PJVK: variants seen among roughly 807,000 people sequenced by gnomAD.
PJVK encodes pejvakin.
Under a neutral mutation model 37.6 loss-of-function variants are expected in PJVK, and 33 were observed. The ratio of observed to expected loss-of-function variants is 0.88; its 90% confidence interval spans 0.67 to 1.17. The LOEUF is 1.17. PJVK is among the 50% of genes most tolerant of loss of function. PJVK has a pLI of 0.00. For synonymous variants in PJVK, 141 were observed against 143.5 expected (o/e 0.98, Z 0.13); for missense variants, 410 against 413.8 (o/e 0.99, Z 0.08).
chr2:178,459,502 G>T (rs1323872655), intron 5 of PJVK, among the ~76,000 whole-genome samples: 1 of 151,910 alleles, frequency 6.6e-6, no homozygotes. Context: ...TGGAAAATGG[G>T]GTATCCATCC....
At chr2:178,454,194 C>T in intron 2 of PJVK, 138 bp from the exon 3 acceptor site, 1 of 670,142 alleles carries the variant, frequency 1.5e-6, no homozygotes, top group Non-Finnish European at 2.5e-6. Context: ...TGAATTACTA[C>T]TTTAAGTCTT....
chr2:178,452,479 A>G, intron 1 of PJVK: 1 of 985,208 alleles, frequency 1.0e-6, no homozygotes, highest in Non-Finnish European at 1.2e-6. Context: ...TCACTGTTTT[A>G]ATGGATATCT....
At position 178,458,622 on chromosome 2, in the gene PJVK, C is replaced by T. The variant is rs372265307; in HGVS notation, c.662C>T (p.Ala221Val). 1.9e-6 allele frequency: 3 copies of T among 1,610,164 alleles called. No individual in the cohort carries two copies. The highest frequency in any genetic ancestry group is 2.7e-5 in the African/African-American group (2 of 74,802). Residue 221 changes from alanine (A) to valine (V), a missense_variant, in exon 5 of 7, where the codon GCC (alanine) becomes GTC (valine). Transcript: ENST00000644580. The stretch of plus-strand genomic sequence containing the variant: ...GAACTCTTCATATACCTGGATGGTG[C>T]CTTTGGTGAGTTAAGGGTCTGCATG... ...VFELFIYLDG[A>V]FDLCVTSVSK...
intron 6 of PJVK, 23 bp downstream of exon 6, chr2:178,460,469 T>C (rs1684416565): frequency 6.3e-7 from 1 of 1,590,822 alleles, no homozygotes; most frequent in Non-Finnish European, 8.6e-7. Flanking sequence ...AAGAGTACTG[T>C]GAATGTCTTT....
intron 4 of PJVK, 81 bp downstream of exon 4, chr2:178,456,232 C>G: frequency 6.5e-7 from 1 of 1,535,134 alleles, no homozygotes. Context: ...TCTAGTCAGG[C>G]TTGTGTATTT....
At chr2:178,459,162 G>A (rs768793153) in intron 5 of PJVK, 2 of 471,942 alleles carry the variant, frequency 4.2e-6, no homozygotes, top group African/African-American at 2.0e-5. Context: ...ATACCTAAGT[G>A]CAGCTCACTT....
At chr2:178,454,629 C>G (rs1335655223) in intron 3 of PJVK, 102 bp downstream of exon 3, 53 of 1,444,458 alleles carry the variant, frequency 3.7e-5, no homozygotes, top group Non-Finnish European at 4.9e-5. Flanking sequence ...TTGTATTTTA[C>G]TAGTGTAATT....
rs909423972 is a variant in PJVK at position 178,456,324 on chromosome 2, C to A, written c.549+173C>A. The A allele has an allele frequency of 5.5e-5, 42 of 757,122 alleles. No individual in the cohort carries two copies. The African/African-American group carries it at 7.2e-4, about 13-fold the overall frequency. The allele number at this position is 757,122 out of a possible 1,614,324, so 46.9% of individuals were successfully genotyped here. A position where few individuals can be genotyped will look rare whatever the true frequency, so the allele number is the denominator to read the frequency against. On this transcript the variant is annotated intron_variant, in intron 4 of 6. Coordinates refer to ENST00000644580, the MANE Select transcript of PJVK (RefSeq NM_001042702.5). ...TGTTCTAGAATATGAAAAAAAAAAA[C>A]AAATCTTGGGATTCTAAACATGTGT...
At chr2:178,453,013 G>A (rs1697800900) in intron 1 of PJVK, 1 of 250,416 alleles carries the variant, frequency 4.0e-6, no homozygotes, top group South Asian at 4.4e-5. Context: ...TATCGTTAGT[G>A]CCTAAATTGC....
intron 1 of PJVK, chr2:178,452,344 C>A: frequency 1.0e-6 from 1 of 983,968 alleles, no homozygotes. Flanking sequence ...GCATGTAAGC[C>A]CTGGATGCTT....
intron 3 of PJVK, chr2:178,454,834 GC>G: frequency 8.1e-7 from 1 of 1,241,124 alleles, no homozygotes; most frequent in African/African-American, 1.5e-5. Flanking sequence ...ATCAAGAATG[GC>G]AGCCTTGACT....
chr2:178,455,182 GATGGAGTGGTGGA>G, intron 3 of PJVK: 1 of 1,594,506 alleles, frequency 6.3e-7, no homozygotes, highest in Non-Finnish European at 8.6e-7. Context: ...AGATCAAGAA[GATGGAGTGGTGGA>G]GCCGCTTGGT....
At chr2:178,459,087 G>T (rs1684319873) in intron 5 of PJVK, 1 of 464,458 alleles carries the variant, frequency 2.2e-6, no homozygotes, top group Non-Finnish European at 4.5e-6. Flanking sequence ...GCTTCCCCTT[G>T]CACTCTTCCT....
At chr2:178,452,291 TC>T (rs1444076362) in intron 1 of PJVK, 1 of 427,246 alleles carries the variant, frequency 2.3e-6, no homozygotes, top group African/African-American at 4.4e-5. Context: ...AGACTCCCTC[TC>T]AAAAAAAAAA....
chr2:178,461,844 A>G lies in PJVK; in HGVS notation c.*570A>G, dbSNP rs1356079304. 1.3e-5 allele frequency among the ~76,000 whole-genome samples: 2 copies of G among 152,074 alleles called. No homozygotes were observed. Among genetic ancestry groups the G allele is most frequent in the Non-Finnish European group, 2.9e-5 (2 of 67,984 alleles). On this transcript the variant is annotated 3_prime_UTR_variant, in exon 7 of 7. Transcript: ENST00000644580. ...GTGATCCACTTTCCTCGGCCTCCCA[A>G]AGTGCTGGGATTACAGGCATGGGCC...
chr2:178,461,032 CT>C lies in PJVK; in HGVS notation c.823del (p.Ser275LeufsTer10), dbSNP rs757539839. ...ISRSQLYLDD[L>X]FSDYYDKPLS... ...TCGTTCACAGCTTTACTTGGATGAT[CT>C]TTTTTCTGACTACTATGACAAACCT... On this transcript the variant is annotated frameshift_variant, in exon 7 of 7. Coordinates refer to ENST00000644580, the MANE Select transcript of PJVK (RefSeq NM_001042702.5). LOFTEE classifies it high-confidence loss of function. 2 of 1,613,912 alleles carry C rather than the reference CT, an allele frequency of 1.2e-6. No homozygotes were observed. Among genetic ancestry groups the C allele is most frequent in the Non-Finnish European group, 8.5e-7 (1 of 1,179,972 alleles).
At chr2:178,452,347 G>A in intron 1 of PJVK, 2 of 983,752 alleles carry the variant, frequency 2.0e-6, no homozygotes, top group South Asian at 4.7e-5. Context: ...TGTAAGCCCT[G>A]GATGCTTGAA....
At chr2:178,460,918 G>C in intron 6 of PJVK, 64 bp from the exon 7 acceptor site, 1 of 1,325,426 alleles carries the variant, frequency 7.5e-7, no homozygotes, top group Admixed American at 1.7e-5. Flanking sequence ...TATTAATGCT[G>C]TTTGCATTAT....
Position 178,458,534 on chromosome 2 carries a change from C to T in PJVK, c.574C>T (p.Pro192Ser), listed in dbSNP as rs757547201. 1 of 1,613,564 alleles carries T rather than the reference C, an allele frequency of 6.2e-7. No homozygotes were observed. Among genetic ancestry groups the T allele is most frequent in the Non-Finnish European group, 8.5e-7 (1 of 1,179,592 alleles). ...MRFHFMDEQN[P>S]KGRDKAIVFP... ...GTTTCACTTTATGGATGAACAGAAT[C>T]CCAAGGGAAGGGACAAAGCTATTGT... is the stretch of plus-strand genomic sequence containing the variant. Residue 192 changes from proline (P) to serine (S), a missense_variant, in exon 5 of 7, where the codon CCC (proline) becomes TCC (serine). By Grantham distance (74) the Pro-to-Ser change is moderately conservative (BLOSUM62 -1). Coordinates refer to ENST00000644580, the MANE Select transcript of PJVK (RefSeq NM_001042702.5).
Sources: gnomAD v4.1 joint callset for allele counts (sites outside exome capture counted in the v4.1 genomes callset) on GRCh38, gnomAD v4.1.1 for gene constraint, MANE v1.5 for transcripts, NCBI Gene and HGNC (gene_info 2026-07-23, HGNC 2026-07-21) for gene names.